The following RFPL4AL1 variants were observed in gnomAD, a reference collection of about 807,000 sequenced individuals.
The protein encoded by RFPL4AL1 is ret finger protein like 4A like 1.
Under a neutral mutation model 8.2 loss-of-function variants are expected in RFPL4AL1, and 2 were observed. That is an observed-to-expected ratio of 0.24 (90% confidence interval 0.10 to 0.77). The LOEUF (loss-of-function observed/expected upper bound fraction) is 0.77, where lower values mean the gene tolerates loss of function less well. RFPL4AL1 is among the 30% of genes least tolerant of loss of function. The pLI is 0.72. For synonymous variants in RFPL4AL1, 25 were observed against 131.8 expected, an observed-to-expected ratio of 0.19 and a Z score of 5.55; for missense variants, 57 against 350.3, an observed-to-expected ratio of 0.16 and a Z score of 6.68.
chr19:55,772,393 G>C (rs1357313967), intron 2 of RFPL4AL1, among the ~76,000 whole-genome samples: 1 of 129,476 alleles, frequency 7.7e-6, no homozygotes, highest in African/African-American at 2.7e-5. Context: ...TGAATAAGGT[G>C]GACTTGTTAC....
chr19:55,771,077 C>CTTT (rs1989483766), intron 1 of RFPL4AL1, among the ~76,000 whole-genome samples: 1 of 111,486 alleles, frequency 9.0e-6, no homozygotes. Flanking sequence ...TCTTTTAGTT[C>CTTT]TGTTTTTTGT....
At position 55,770,641 on chromosome 19, in the gene RFPL4AL1, G is replaced by A. The variant is rs142502741; in HGVS notation, c.-9-1155G>A. Among the ~76,000 whole-genome samples the A allele has an allele frequency of 4.3e-3, 651 of 151,582 alleles. 10 individuals are homozygous for A. Among genetic ancestry groups the A allele is most frequent in the African/African-American group, 0.015 (617 of 41,226 alleles). On this transcript the variant is annotated intron_variant, in intron 1 of 2. Coordinates refer to ENST00000341750, the MANE Select transcript of RFPL4AL1 (RefSeq NM_001277397.2). ...ACTGCAGAGTGTGTGATTTAGTGTG[G>A]TAATGACCACGGTCATTACTGTGGC...
intron 1 of RFPL4AL1, among the ~76,000 whole-genome samples, chr19:55,770,296 G>A (rs1391908061): frequency 6.6e-6 from 1 of 151,944 alleles, no homozygotes; most frequent in Non-Finnish European, 1.5e-5. Context: ...AGGCTCTCTG[G>A]ATGCCAGAGA....
chr19:55,770,767 A>C (rs150401540), intron 1 of RFPL4AL1, among the ~76,000 whole-genome samples: 2,994 of 151,578 alleles, frequency 0.02, 69 homozygotes, highest in African/African-American at 0.069. Context: ...CTAATTTTAA[A>C]AGCCACTGTT....
rs1411802719 is a variant in RFPL4AL1 at position 55,771,941 on chromosome 19, G to A, written c.137G>A (p.Gly46Asp). The change falls in exon 2 of 3, where the codon GGT becomes GAT. Residue 46 changes from glycine to aspartate, a missense_variant. Physicochemically the swap from Gly to Asp is moderately conservative, Grantham distance 94. Transcript: ENST00000341750. ...NSLQKEPDGE[G>D]LLCRFCSVVS... ...CTCCAGAAGGAGCCCGATGGGGAAG[G>A]TTTACTGTGCCGTTTCTGCTCTGTG... 2 of 1,533,516 alleles carry A rather than the reference G, an allele frequency of 1.3e-6. No homozygotes were observed. The highest frequency in any genetic ancestry group is 1.2e-5 in the South Asian group (1 of 83,720). 95.0% of individuals were successfully genotyped at this position (1,533,516 alleles called of 1,614,324 possible).
chr19:55,771,175 G>C, intron 1 of RFPL4AL1, among the ~76,000 whole-genome samples: 2 of 139,834 alleles, frequency 1.4e-5, no homozygotes, highest in East Asian at 2.1e-4. Flanking sequence ...CTTTTGGTGT[G>C]CTATCAGGGT....
At chr19:55,769,850 C>T (rs1237701360) in intron 1 of RFPL4AL1, among the ~76,000 whole-genome samples, 10 of 151,824 alleles carry the variant, frequency 6.6e-5, no homozygotes, top group Admixed American at 5.9e-4. Context: ...TCCCATCATG[C>T]CCTCGGCCTT....
chr19:55,772,874 T>C lies in RFPL4AL1; in HGVS notation c.559T>C (p.Leu187=). 6.4e-7 allele frequency: 1 copy of C among 1,550,560 alleles called. No individual in the cohort carries two copies. Among genetic ancestry groups the C allele is most frequent in the Middle Eastern group, 1.7e-4 (1 of 5,990 alleles). ...TGAGCTTTCTTCAGAACACGGCTTC[T>C]TGACTGTGGGTTGCAGAGAAGGAAA... ...KIELSSEHGF[L]TVGCREGKVF... Residue 187 remains leucine (L), a synonymous_variant, in exon 3 of 3, where the codon TTG becomes CTG. Coordinates refer to ENST00000341750, the MANE Select transcript of RFPL4AL1 (RefSeq NM_001277397.2).
chr19:55,769,298 C>T (rs1405456806), intron 1 of RFPL4AL1, 123 bp downstream of exon 1: 4 of 151,976 alleles, frequency 2.6e-5, no homozygotes. Flanking sequence ...CACTGTATTT[C>T]TGGAGGATAT....
In RFPL4AL1 at chr19:55,771,091, T is replaced by TGG. The variant is rs1251873055; in HGVS notation, c.-9-705_-9-704insGG. 1.0e-4 allele frequency among the ~76,000 whole-genome samples: 15 copies of TGG among 147,988 alleles called. 1 individual carries two copies. The highest frequency in any genetic ancestry group is 1.7e-4 in the Non-Finnish European group (11 of 66,646). Reference sequence around the variant, plus strand: ...TTCTTTTAGTTCTGTTTTTTGTTTTTTTTTTTTTTTTTTTCCGCTATGCAG... The same window carrying TGG: ...TTCTTTTAGTTCTGTTTTTTGTTTTTGGTTTTTTTTTTTTTTCCGCTATGCAG... On this transcript the variant is annotated intron_variant, in intron 1 of 2. Coordinates refer to ENST00000341750, the MANE Select transcript of RFPL4AL1 (RefSeq NM_001277397.2).
intron 1 of RFPL4AL1, among the ~76,000 whole-genome samples, chr19:55,770,060 A>G (rs561347653): frequency 1.9e-4 from 29 of 152,094 alleles, no homozygotes; most frequent in Admixed American, 1.2e-3. Flanking sequence ...ATAGAAACAC[A>G]GAAGTAGGGT....
chr19:55,771,089 T>TTG (rs1555799528), intron 1 of RFPL4AL1, among the ~76,000 whole-genome samples: 6 of 43,956 alleles, frequency 1.4e-4, no homozygotes, highest in East Asian at 3.9e-4. Flanking sequence ...GTTTTTTGTT[T>TTG]TTTTTTTTTT....
In RFPL4AL1 at chr19:55,770,336, TG is replaced by T. The variant is rs200164917; in HGVS notation, c.-10+1163del. Among the ~76,000 whole-genome samples, 9 of 151,936 alleles carry T rather than the reference TG, an allele frequency of 5.9e-5. No individual in the cohort carries two copies. The East Asian group carries it at 7.7e-4, about 13-fold the overall frequency. ...CCAGTCCCAGCCAGTTTCCAGGTTC[TG>T]GATGCTGTCGGGAGAACGAATTCAG... On this transcript the variant is annotated intron_variant, in intron 1 of 2. Transcript: ENST00000341750.
chr19:55,770,612 T>C lies in RFPL4AL1; in HGVS notation c.-9-1184T>C, dbSNP rs531817872. On this transcript the variant is annotated intron_variant, in intron 1 of 2. Coordinates refer to ENST00000341750, the MANE Select transcript of RFPL4AL1 (RefSeq NM_001277397.2). ...CATATGGGCATGCTGGGGTCAGCCG[T>C]GACACTGCAGAGTGTGTGATTTAGT... Among the ~76,000 whole-genome samples the C allele has an allele frequency of 5.8e-4, 88 of 152,002 alleles. 1 individual carries two copies. The highest frequency in any genetic ancestry group is 9.6e-4 in the Non-Finnish European group (65 of 67,896).
chr19:55,770,297 A>G (rs955000183), intron 1 of RFPL4AL1, among the ~76,000 whole-genome samples: 1 of 151,910 alleles, frequency 6.6e-6, no homozygotes. Flanking sequence ...GGCTCTCTGG[A>G]TGCCAGAGAG....
At chr19:55,769,325 G>A (rs1338309293) in intron 1 of RFPL4AL1, 150 bp downstream of exon 1, 4 of 152,030 alleles carry the variant, frequency 2.6e-5, no homozygotes, top group African/African-American at 9.7e-5. Flanking sequence ...CTCTGCCCTG[G>A]TAACGGTTAG....
intron 1 of RFPL4AL1, among the ~76,000 whole-genome samples, chr19:55,771,355 A>G (rs1459077318): frequency 1.3e-5 from 2 of 152,160 alleles, no homozygotes; most frequent in African/African-American, 2.4e-5. Flanking sequence ...TCAGAATATA[A>G]TCATTTAAGA....
At chr19:55,769,439 C>T (rs1194018934) in intron 1 of RFPL4AL1, among the ~76,000 whole-genome samples, 10 of 151,694 alleles carry the variant, frequency 6.6e-5, no homozygotes, top group African/African-American at 1.7e-4. Flanking sequence ...GACAGAGGTT[C>T]GGTGGCTGCG....
chr19:55,769,258 T>C (rs1989444108), intron 1 of RFPL4AL1, 83 bp downstream of exon 1: 1 of 151,952 alleles, frequency 6.6e-6, no homozygotes, highest in Admixed American at 6.6e-5. Flanking sequence ...ATTCCACAAG[T>C]GTTGTCTGAG....
Sources: gnomAD v4.1 joint callset for allele counts (sites outside exome capture counted in the v4.1 genomes callset) on GRCh38, gnomAD v4.1.1 for gene constraint, MANE v1.5 for transcripts, NCBI Gene and HGNC (gene_info 2026-07-23, HGNC 2026-07-21) for gene names.